PPP1R21: variants seen among roughly 807,000 people sequenced by gnomAD.
The protein encoded by PPP1R21 is KLRAQ motif containing 1.
PPP1R21 carries 85 observed loss-of-function variants against 112.8 expected under a neutral mutation model. The ratio of observed to expected loss-of-function variants is 0.75; its 90% CI spans 0.63 to 0.90. The LOEUF (loss-of-function observed/expected upper bound fraction) is 0.90. Among genes scored for constraint, PPP1R21 ranks in the 40% least tolerant of loss-of-function variants. The pLI is 0.00. For synonymous variants in PPP1R21, 381 were observed against 322.3 expected (o/e 1.18, Z -1.95); for missense variants, 1,199 against 901.5 (o/e 1.33, Z -4.23).
At position 48,507,618 on chromosome 2, in the gene PPP1R21, C is replaced by T. The variant is rs769657916; in HGVS notation, c.2085+233C>T. 6.6e-5 allele frequency among the ~76,000 whole-genome samples: 10 copies of T among 152,120 alleles called. No individual in the cohort carries two copies. The East Asian group carries it at 9.7e-4, about 15-fold the overall frequency. On this transcript the variant is annotated intron_variant, in intron 19 of 21. Transcript: ENST00000294952. Reference sequence around the variant, plus strand: ...TTCTGATCTCATGATCCGCTGGCCTCGACCTCCCAAAGTGCTGGGATTACA... The same window carrying T: ...TTCTGATCTCATGATCCGCTGGCCTTGACCTCCCAAAGTGCTGGGATTACA...
chr2:48,488,576 T>G (rs1446103207), intron 14 of PPP1R21, among the ~76,000 whole-genome samples: 2 of 152,142 alleles, frequency 1.3e-5, no homozygotes, highest in East Asian at 1.9e-4. Flanking sequence ...TTCACCATGT[T>G]AGTCAGGATG....
chr2:48,512,971 G>C (rs925056426), intron 21 of PPP1R21, among the ~76,000 whole-genome samples: 3 of 152,158 alleles, frequency 2.0e-5, no homozygotes, highest in Admixed American at 6.5e-5. Context: ...CGTGTTTTGG[G>C]TTTTCTCATG....
At chr2:48,461,714 A>G (rs766963120) in intron 7 of PPP1R21, among the ~76,000 whole-genome samples, 4 of 152,184 alleles carry the variant, frequency 2.6e-5, no homozygotes, top group Non-Finnish European at 5.9e-5. Flanking sequence ...CAGGAACAAC[A>G]AAAAGTTAAA....
Position 48,465,470 on chromosome 2 carries a change from A to G in PPP1R21, c.748-23A>G. On this transcript the variant is annotated intron_variant, in intron 8 of 21. Coordinates refer to ENST00000294952, the MANE Select transcript of PPP1R21 (RefSeq NM_001135629.3). ...GATAATAATTTGAGAGTTGACCTTA[A>G]CTATATATTTTTCATTTTAAAGCTG... is the stretch of plus-strand genomic sequence containing the variant. 2.5e-6 allele frequency: 4 copies of G among 1,597,280 alleles called. No homozygotes were observed. In the South Asian group the frequency reaches 3.4e-5, roughly 14 times the overall value.
At position 48,448,611 on chromosome 2, in the gene PPP1R21, A is replaced by T. The variant is rs72822203; in HGVS notation, c.58-2397A>T. Among the ~76,000 whole-genome samples, 3 of 25,438 alleles carry T rather than the reference A, an allele frequency of 1.2e-4. No homozygotes were observed. In the South Asian group the frequency reaches 5.5e-3, roughly 46 times the overall value. 16.7% of individuals were successfully genotyped at this position (25,438 alleles called of 152,430 possible). The stretch of plus-strand genomic sequence containing the variant: ...TAAAATCTAACGTCTTTAGATTTAT[A>T]AAATAAAATCTAAAGACTGAAGCAG... On this transcript the variant is annotated intron_variant, in intron 1 of 21. Coordinates refer to ENST00000294952, the MANE Select transcript of PPP1R21 (RefSeq NM_001135629.3).
At chr2:48,470,715 TG>T (rs1004426720) in intron 9 of PPP1R21, among the ~76,000 whole-genome samples, 6 of 152,192 alleles carry the variant, frequency 3.9e-5, no homozygotes, top group African/African-American at 1.4e-4. Flanking sequence ...GTTTTTATAC[TG>T]GGACCTCTAT....
Position 48,491,157 on chromosome 2 carries a change from A to T in PPP1R21, c.1586A>T (p.Lys529Met). The change falls in exon 15 of 22, where the codon AAG becomes ATG. Residue 529 changes from lysine (K) to methionine (M), a missense_variant. Lys to Met is a moderately conservative substitution (Grantham distance 95, BLOSUM62 -1). Coordinates refer to ENST00000294952, the MANE Select transcript of PPP1R21 (RefSeq NM_001135629.3). Reference protein sequence around the residue: ...QYKKKAAAYMKSLRKPLLESV... With the variant: ...QYKKKAAAYMMSLRKPLLESV... ...AAGAAAAAAGCTGCTGCCTATATGA[A>T]GTCTTTGAGAAAGGTTTGTTAGCTG... 6.2e-7 allele frequency: 1 copy of T among 1,611,544 alleles called. No individual in the cohort carries two copies.
intron 9 of PPP1R21, among the ~76,000 whole-genome samples, chr2:48,468,770 G>A (rs184711737): frequency 1.3e-5 from 2 of 151,970 alleles, no homozygotes; most frequent in East Asian, 3.9e-4. Flanking sequence ...AGCCAAGACT[G>A]TGCCACTTCA....
chr2:48,444,545 A>C (rs1293110154), intron 1 of PPP1R21, among the ~76,000 whole-genome samples: 1 of 152,114 alleles, frequency 6.6e-6, no homozygotes, highest in Non-Finnish European at 1.5e-5. Flanking sequence ...TTGCGGGAGC[A>C]CTCTTGCCTG....
intron 9 of PPP1R21, among the ~76,000 whole-genome samples, chr2:48,467,222 C>A (rs1033060816): frequency 1.3e-5 from 2 of 152,154 alleles, no homozygotes; most frequent in African/African-American, 4.8e-5. Context: ...TCACTTTCTT[C>A]AATCCATGTG....
intron 3 of PPP1R21, among the ~76,000 whole-genome samples, chr2:48,456,468 A>G (rs2103782039): frequency 6.6e-6 from 1 of 152,282 alleles, no homozygotes. Context: ...GTTGCCTTTA[A>G]TAAATCTGTG....
chr2:48,494,668 G>A (rs1460921696), intron 15 of PPP1R21, among the ~76,000 whole-genome samples: 7 of 151,530 alleles, frequency 4.6e-5, no homozygotes, highest in South Asian at 2.1e-4. Context: ...CACCCGCCTC[G>A]GCCTTCCAAA....
chr2:48,441,531 C>T (rs1667032116), intron 1 of PPP1R21: 1 of 181,544 alleles, frequency 5.5e-6, no homozygotes, highest in South Asian at 1.2e-4. Flanking sequence ...AATGTATTCA[C>T]TGCTTTGGCA....
intron 9 of PPP1R21, among the ~76,000 whole-genome samples, chr2:48,466,890 A>C (rs544867605): frequency 6.6e-6 from 1 of 152,324 alleles, no homozygotes; most frequent in East Asian, 1.9e-4. Context: ...AAATGGCTCC[A>C]GGTTCTAAAA....
chr2:48,441,087 C>T (rs1667005961), intron 1 of PPP1R21, 77 bp downstream of exon 1: 2 of 1,017,026 alleles, frequency 2.0e-6, no homozygotes, highest in East Asian at 2.6e-5. Flanking sequence ...TTGTCGGGAC[C>T]TAGGGGTACT....
At chr2:48,468,466 A>G (rs1222153605) in intron 9 of PPP1R21, among the ~76,000 whole-genome samples, 1 of 152,212 alleles carries the variant, frequency 6.6e-6, no homozygotes, top group Non-Finnish European at 1.5e-5. Context: ...GGAAGACAGT[A>G]CTGCAACATT....
intron 13 of PPP1R21, among the ~76,000 whole-genome samples, chr2:48,483,509 G>C (rs1223466548): frequency 6.6e-6 from 1 of 152,082 alleles, no homozygotes; most frequent in Non-Finnish European, 1.5e-5. Context: ...AAATTCACAG[G>C]AAACCATAAA....
At chr2:48,484,913 A>G (rs1669210336) in intron 13 of PPP1R21, among the ~76,000 whole-genome samples, 1 of 152,226 alleles carries the variant, frequency 6.6e-6, no homozygotes, top group Non-Finnish European at 1.5e-5. Flanking sequence ...ATTACCATCA[A>G]CCAAGATTGC....
In PPP1R21 at chr2:48,514,965, T is replaced by C. The variant is rs1670808708; in HGVS notation, c.*221T>C. On this transcript the variant is annotated 3_prime_UTR_variant, in exon 22 of 22. Transcript: ENST00000294952. Reference sequence around the variant, plus strand: ...GATGTCGGCAGTAAATGGAAAACAATACGTATGTCATGGATATTGTAGGTT... The same window carrying C: ...GATGTCGGCAGTAAATGGAAAACAACACGTATGTCATGGATATTGTAGGTT... 3 of 548,240 alleles carry C rather than the reference T, an allele frequency of 5.5e-6. No individual in the cohort carries two copies. Among genetic ancestry groups the C allele is most frequent in the Non-Finnish European group, 9.6e-6 (3 of 311,852 alleles). 34.0% of individuals were successfully genotyped at this position (548,240 alleles called of 1,614,324 possible). A position where few individuals can be genotyped will look rare whatever the true frequency, so the allele number is the denominator to read the frequency against.
Sources: allele counts gnomAD v4.1 joint callset (sites outside exome capture counted in the v4.1 genomes callset), GRCh38; gene constraint gnomAD v4.1.1; transcripts MANE v1.5; gene names NCBI Gene and HGNC (gene_info 2026-07-23, HGNC 2026-07-21).